The following GALNT17 variants were observed in gnomAD, a reference collection of about 807,000 sequenced individuals.
GALNT17 encodes the protein polypeptide N-acetylgalactosaminyltransferase 17, also known as UDP-GalNAc:polypeptide N-acetylgalactosaminyltransferase-like 3.
GALNT17 carries 29 observed loss-of-function variants against 63.7 expected under a neutral mutation model. The ratio of observed to expected loss-of-function variants is 0.46; its 90% CI spans 0.34 to 0.62. The LOEUF (loss-of-function observed/expected upper bound fraction) is 0.62, where lower values mean the gene tolerates loss of function less well. Among genes scored for constraint, GALNT17 ranks in the 20% least tolerant of loss-of-function variants. The pLI, the probability that GALNT17 is intolerant of heterozygous loss-of-function variation, is 0.01. For synonymous variants in GALNT17, 305 were observed against 318.3 expected, an observed-to-expected ratio of 0.96 and a Z score of 0.45; for missense variants, 603 against 799.6, an observed-to-expected ratio of 0.75 and a Z score of 2.97.
chr7:71,214,579 CTTTT>C (rs11442081), intron 1 of GALNT17, among the ~76,000 whole-genome samples: 2 of 138,106 alleles, frequency 1.4e-5, no homozygotes, highest in Non-Finnish European at 1.5e-5. Context: ...CTTGATTTGG[CTTTT>C]TTTTTTTTTT....
chr7:71,246,288 A>G (rs1790096094), intron 1 of GALNT17, among the ~76,000 whole-genome samples: 1 of 151,170 alleles, frequency 6.6e-6, no homozygotes, highest in African/African-American at 2.4e-5. Flanking sequence ...ACTCCTGGCT[A>G]ATTTTTGTAT....
intron 9 of GALNT17, among the ~76,000 whole-genome samples, chr7:71,691,879 CCTTCCTTT>C (rs1398682866): frequency 8.6e-5 from 2 of 23,332 alleles, no homozygotes; most frequent in Non-Finnish European, 1.9e-4. Context: ...TCCTTTCTTT[CCTTCCTTT>C]CTTCCTTCCT....
At chr7:71,326,063 C>G (rs1453244167) in intron 1 of GALNT17, among the ~76,000 whole-genome samples, 1 of 151,846 alleles carries the variant, frequency 6.6e-6, no homozygotes, top group Admixed American at 6.6e-5. Flanking sequence ...TAAAACAATT[C>G]TAAATTTTCT....
rs75766850 is a variant in GALNT17 at position 71,602,159 on chromosome 7, C to A, written c.1080+30757C>A. On this transcript the variant is annotated intron_variant, in intron 6 of 10. Transcript: ENST00000333538. The stretch of plus-strand genomic sequence containing the variant: ...ATGATCTTTTCAGGAAGGAATTTTA[C>A]GACCATCCCTAATTTTAAAAAATCA... Among the ~76,000 whole-genome samples, 1,423 of 152,350 alleles carry A rather than the reference C, an allele frequency of 9.3e-3. 26 individuals carry two copies. Among genetic ancestry groups the A allele is most frequent in the African/African-American group, 0.033 (1,352 of 41,574 alleles).
At chr7:71,296,061 C>T (rs1010150797) in intron 1 of GALNT17, among the ~76,000 whole-genome samples, 1 of 152,036 alleles carries the variant, frequency 6.6e-6, no homozygotes, top group African/African-American at 2.4e-5. Flanking sequence ...AGTCCTCTGC[C>T]ATTTTTGTTT....
At chr7:71,679,476 T>C (rs188407107) in intron 9 of GALNT17, among the ~76,000 whole-genome samples, 141 of 152,286 alleles carry the variant, frequency 9.3e-4, no homozygotes, top group Admixed American at 3.0e-3. Context: ...TCTAAAATGC[T>C]AGGCACCACT....
intron 1 of GALNT17, among the ~76,000 whole-genome samples, chr7:71,238,327 G>C (rs983521259): frequency 6.6e-6 from 1 of 152,166 alleles, no homozygotes; most frequent in Non-Finnish European, 1.5e-5. Flanking sequence ...TCTCCCAGAA[G>C]CCTTTCACAT....
chr7:71,691,906 TTCTC>T (rs1289156582), intron 9 of GALNT17, among the ~76,000 whole-genome samples: 1 of 147,482 alleles, frequency 6.8e-6, no homozygotes, highest in Non-Finnish European at 1.5e-5. Flanking sequence ...CTTTCTCTCT[TTCTC>T]TCTTTCTTTT....
chr7:71,631,268 C>A (rs1431756014), intron 6 of GALNT17, among the ~76,000 whole-genome samples: 1 of 151,706 alleles, frequency 6.6e-6, no homozygotes, highest in Non-Finnish European at 1.5e-5. Flanking sequence ...TCATAGCTCA[C>A]TGTAGCCTCA....
intron 1 of GALNT17, among the ~76,000 whole-genome samples, chr7:71,170,540 TGGCTA>T (rs1788529439): frequency 2.0e-5 from 3 of 152,110 alleles, no homozygotes; most frequent in Admixed American, 1.3e-4. Context: ...TTCACTATGT[TGGCTA>T]GGCTGGTTTT....
At chr7:71,136,556 G>A (rs141002174) in intron 1 of GALNT17, among the ~76,000 whole-genome samples, 25 of 152,008 alleles carry the variant, frequency 1.6e-4, no homozygotes, top group African/African-American at 5.3e-4. Flanking sequence ...TGCGATCTCC[G>A]CTCGCTGCAG....
At chr7:71,436,697 C>T (rs1030303879) in intron 5 of GALNT17, among the ~76,000 whole-genome samples, 30 of 149,716 alleles carry the variant, frequency 2.0e-4, no homozygotes, top group African/African-American at 4.7e-4. Flanking sequence ...CCAGCCTGGG[C>T]GACAGAGCGA....
chr7:71,415,758 G>A, intron 3 of GALNT17, 131 bp from the exon 4 acceptor site: 2 of 1,025,870 alleles, frequency 1.9e-6, no homozygotes. Context: ...TTTCTTTTCT[G>A]CCAGAATTAC....
At chr7:71,367,716 A>G (rs984254584) in intron 2 of GALNT17, among the ~76,000 whole-genome samples, 2 of 152,088 alleles carry the variant, frequency 1.3e-5, no homozygotes, top group African/African-American at 4.8e-5. Context: ...GCCCCCTTCT[A>G]TTTGGGGCTC....
intron 1 of GALNT17, among the ~76,000 whole-genome samples, chr7:71,142,166 G>A (rs746219736): frequency 6.6e-5 from 10 of 152,070 alleles, no homozygotes; most frequent in Non-Finnish European, 1.2e-4. Flanking sequence ...CACTATGCGG[G>A]GCCCTCAGGA....
rs1436378942 is a variant in GALNT17 at position 71,311,464 on chromosome 7, C to G, written c.239-24086C>G. On this transcript the variant is annotated intron_variant, in intron 1 of 10. Coordinates refer to ENST00000333538, the MANE Select transcript of GALNT17 (RefSeq NM_022479.3). ...GGTGCTGTTATTGCAAGACCCCCATCTCTACAAAAAATAAAAAATAAATTA... is the reference window on the plus strand; with the variant it reads ...GGTGCTGTTATTGCAAGACCCCCATGTCTACAAAAAATAAAAAATAAATTA... 2.0e-5 allele frequency among the ~76,000 whole-genome samples: 3 copies of G among 152,114 alleles called. No individual in the cohort carries two copies. The East Asian group carries it at 5.8e-4, about 29-fold the overall frequency.
At chr7:71,649,081 G>A (rs1790720190) in intron 6 of GALNT17, among the ~76,000 whole-genome samples, 1 of 152,158 alleles carries the variant, frequency 6.6e-6, no homozygotes, top group Admixed American at 6.5e-5. Context: ...GTCACCACTG[G>A]ATCTCTCTCC....
chr7:71,550,506 G>A, intron 5 of GALNT17, among the ~76,000 whole-genome samples: 1 of 152,026 alleles, frequency 6.6e-6, no homozygotes, highest in Admixed American at 6.6e-5. Flanking sequence ...TCAGCCTCTT[G>A]AGTAGCTGGG....
intron 6 of GALNT17, among the ~76,000 whole-genome samples, chr7:71,585,003 T>TTAAA (rs1160960351): frequency 3.3e-5 from 5 of 152,202 alleles, no homozygotes; most frequent in Non-Finnish European, 7.3e-5. Context: ...ACCAAGTCAT[T>TTAAA]TGTCCTATAC....
Sources: gnomAD v4.1 joint callset for allele counts (sites outside exome capture counted in the v4.1 genomes callset) on GRCh38, gnomAD v4.1.1 for gene constraint, MANE v1.5 for transcripts, NCBI Gene and HGNC (gene_info 2026-07-23, HGNC 2026-07-21) for gene names.